FAM193A: variants seen among roughly 807,000 people sequenced by gnomAD.
The protein encoded by FAM193A is protein FAM193A.
In FAM193A, 22 loss-of-function variants were observed where a neutral mutation model predicts 126.5. The ratio of observed to expected loss-of-function variants is 0.17; its 90% CI spans 0.12 to 0.25. FAM193A has a LOEUF of 0.25. FAM193A is among the 10% of genes least tolerant of loss of function. The pLI is 1.00. For synonymous variants in FAM193A, 761 were observed against 646.8 expected (o/e 1.18, Z -2.68); for missense variants, 1,675 against 1,672.8 (o/e 1.00, Z -0.02).
At chr4:2,543,530 G>A (rs1027562735) in intron 1 of FAM193A, among the ~76,000 whole-genome samples, 1 of 151,648 alleles carries the variant, frequency 6.6e-6, no homozygotes, top group African/African-American at 2.4e-5. Flanking sequence ...GACCCTCCCC[G>A]CCACTGCTCT....
At chr4:2,652,716 G>A (rs192502174) in intron 7 of FAM193A, among the ~76,000 whole-genome samples, 1 of 152,306 alleles carries the variant, frequency 6.6e-6, no homozygotes, top group East Asian at 1.9e-4. Context: ...AGTTTGACAT[G>A]AGATTTGGGC....
intron 1 of FAM193A, among the ~76,000 whole-genome samples, chr4:2,595,397 T>C (rs1740800710): frequency 6.6e-6 from 1 of 152,260 alleles, no homozygotes; most frequent in Non-Finnish European, 1.5e-5. Context: ...TTTTATTTTT[T>C]TTCTGATAGA....
At chr4:2,571,786 G>A (rs909783632) in intron 1 of FAM193A, among the ~76,000 whole-genome samples, 1 of 151,062 alleles carries the variant, frequency 6.6e-6, no homozygotes, top group African/African-American at 2.4e-5. Flanking sequence ...GTGATCCACC[G>A]GCCTCAGCCT....
At chr4:2,651,795 G>T (rs576892773) in intron 7 of FAM193A, among the ~76,000 whole-genome samples, 2 of 152,320 alleles carry the variant, frequency 1.3e-5, no homozygotes, top group Non-Finnish European at 2.9e-5. Context: ...GGATCCCCCT[G>T]GCAGGGAAGC....
At position 2,644,926 on chromosome 4, in the gene FAM193A, A is replaced by C. The variant is rs140542753; in HGVS notation, c.1164-1759A>C. 7.4e-3 allele frequency among the ~76,000 whole-genome samples: 1,131 copies of C among 152,260 alleles called. 11 individuals are homozygous for C. Among genetic ancestry groups the C allele is most frequent in the Non-Finnish European group, 9.0e-3 (610 of 68,002 alleles). ...ATAAATAATTTAGTATTTCTTATAC[A>C]TTTTTTCCCTATGTCCACTATACGT... On this transcript the variant is annotated intron_variant, in intron 6 of 20. Transcript: ENST00000637812.
Position 2,577,904 on chromosome 4 carries a change from A to G in FAM193A, c.256-18180A>G, listed in dbSNP as rs367985988. 3.3e-5 allele frequency among the ~76,000 whole-genome samples: 5 copies of G among 152,310 alleles called. No individual in the cohort carries two copies. In the East Asian group the frequency reaches 9.6e-4, roughly 29 times the overall value. On this transcript the variant is annotated intron_variant, in intron 1 of 20. Transcript: ENST00000637812. ...GACATCTAAAGTTTTGTTATACTGT[A>G]TAATCGTTTTCAGTTTTGTTGTTTT...
chr4:2,537,797 C>T (rs1246170277), intron 1 of FAM193A, among the ~76,000 whole-genome samples: 2 of 152,240 alleles, frequency 1.3e-5, no homozygotes, highest in Non-Finnish European at 1.5e-5. Flanking sequence ...CTGGCCCCTC[C>T]TCCCCCGCTT....
chr4:2,718,449 G>A (rs1298113418), intron 20 of FAM193A, among the ~76,000 whole-genome samples: 1 of 151,960 alleles, frequency 6.6e-6, no homozygotes, highest in Admixed American at 6.6e-5. Flanking sequence ...AGTTTTGTCC[G>A]GGTGCTGTGG....
intron 1 of FAM193A, among the ~76,000 whole-genome samples, chr4:2,575,958 A>G (rs1376817651): frequency 6.6e-6 from 1 of 152,128 alleles, no homozygotes; most frequent in Non-Finnish European, 1.5e-5. Context: ...CAGGAGGCTT[A>G]TGTCTCAGGT....
At chr4:2,620,777 A>G (rs948168770) in intron 2 of FAM193A, among the ~76,000 whole-genome samples, 8 of 145,466 alleles carry the variant, frequency 5.5e-5, no homozygotes, top group African/African-American at 1.8e-4. Flanking sequence ...CGGAGTTTGC[A>G]GTGAGCCGAT....
intron 1 of FAM193A, among the ~76,000 whole-genome samples, chr4:2,572,328 C>CAA (rs374521496): frequency 1.7e-3 from 210 of 124,970 alleles, no homozygotes; most frequent in East Asian, 3.6e-3. Flanking sequence ...GACTTCATCT[C>CAA]AAAAAAAAAA....
intron 4 of FAM193A, among the ~76,000 whole-genome samples, chr4:2,627,333 G>A (rs933457266): frequency 2.0e-5 from 3 of 147,468 alleles, no homozygotes; most frequent in African/African-American, 7.5e-5. Context: ...GCTAATTTTT[G>A]TATTTTTAAT....
chr4:2,730,323 A>C (rs1309999039), intron 20 of FAM193A, among the ~76,000 whole-genome samples: 1 of 152,188 alleles, frequency 6.6e-6, no homozygotes, highest in Non-Finnish European at 1.5e-5. Flanking sequence ...TTAGAGTTGA[A>C]AGTTGACTTA....
chr4:2,657,684 A>G, intron 7 of FAM193A, 119 bp from the exon 8 acceptor site: 2 of 646,852 alleles, frequency 3.1e-6, no homozygotes, highest in Admixed American at 5.5e-5. Flanking sequence ...TTCTGTTTGC[A>G]GATGATGTTT....
intron 7 of FAM193A, among the ~76,000 whole-genome samples, chr4:2,651,535 C>G (rs1269244879): frequency 6.6e-6 from 1 of 152,144 alleles, no homozygotes; most frequent in Non-Finnish European, 1.5e-5. Flanking sequence ...TCTGAGCCAT[C>G]ACATCTTGTG....
intron 2 of FAM193A, among the ~76,000 whole-genome samples, chr4:2,601,962 C>T (rs553613278): frequency 1.8e-4 from 28 of 152,012 alleles, no homozygotes; most frequent in Admixed American, 1.7e-3. Flanking sequence ...CCTCAGTCTC[C>T]TGGGTAGCTG....
chr4:2,598,155 A>G (rs548638235), intron 2 of FAM193A, among the ~76,000 whole-genome samples: 1 of 152,170 alleles, frequency 6.6e-6, no homozygotes, highest in African/African-American at 2.4e-5. Flanking sequence ...TGCCTTCCAT[A>G]GTGCTGGGAT....
At chr4:2,721,831 C>T (rs1720195403) in intron 20 of FAM193A, among the ~76,000 whole-genome samples, 1 of 152,184 alleles carries the variant, frequency 6.6e-6, no homozygotes, top group African/African-American at 2.4e-5. Flanking sequence ...GTCCCGGGGG[C>T]GGGGCAAACG....
chr4:2,672,971 G>A (rs752733255), intron 13 of FAM193A, among the ~76,000 whole-genome samples: 13 of 152,220 alleles, frequency 8.5e-5, no homozygotes, highest in Non-Finnish European at 1.6e-4. Context: ...AGGAAGTGGA[G>A]TGAGGATGTA....
Sources: gnomAD v4.1 joint callset for allele counts (sites outside exome capture counted in the v4.1 genomes callset) on GRCh38, gnomAD v4.1.1 for gene constraint, MANE v1.5 for transcripts, NCBI Gene and HGNC (gene_info 2026-07-23, HGNC 2026-07-21) for gene names.